Variants in RALGPS2 observed in about 807,000 individuals in gnomAD.
RALGPS2 encodes the protein ras-specific guanine nucleotide-releasing factor RalGPS2.
Under a neutral mutation model 86.8 loss-of-function variants are expected in RALGPS2, and 43 were observed. The ratio of observed to expected loss-of-function variants is 0.50; its 90% CI spans 0.39 to 0.64. The LOEUF (loss-of-function observed/expected upper bound fraction) is 0.64, where lower values mean the gene tolerates loss of function less well. Ranked by LOEUF, RALGPS2 falls within the 30% of genes least tolerant of loss-of-function variation. The probability of loss-of-function intolerance (pLI) is 0.00; values close to 1 mark genes in which losing one functional copy is unlikely to be tolerated. For synonymous variants in RALGPS2, 243 were observed against 231.3 expected (o/e 1.05, Z -0.46); for missense variants, 536 against 694.6 (o/e 0.77, Z 2.57).
At chr1:178,750,990 G>A (rs567431730) in intron 1 of RALGPS2, among the ~76,000 whole-genome samples, 12 of 152,138 alleles carry the variant, frequency 7.9e-5, no homozygotes, top group African/African-American at 2.9e-4. Flanking sequence ...ACAATGTATG[G>A]CCCTAAAGTT....
chr1:178,769,597 G>A (rs1484707638), intron 1 of RALGPS2, among the ~76,000 whole-genome samples: 1 of 151,748 alleles, frequency 6.6e-6, no homozygotes, highest in Admixed American at 6.6e-5. Context: ...CTGAGGTGGA[G>A]TGGAGAGGGC....
At position 178,885,129 on chromosome 1, in the gene RALGPS2, G is replaced by A; in HGVS notation, c.958G>A (p.Gly320Arg). The change falls in exon 12 of 20, where the codon GGA becomes AGA. Residue 320 changes from glycine to arginine, a missense_variant. By Grantham distance (125) the Gly-to-Arg change is moderately radical (BLOSUM62 -2). Coordinates refer to ENST00000367635, the MANE Select transcript of RALGPS2 (RefSeq NM_152663.5). Reference sequence around the variant, plus strand: ...TGGACGAAAAAGTGTGGCAGCTGAAGGAGCCTTGCTCCCACAGACACCGCC... The same window carrying A: ...TGGACGAAAAAGTGTGGCAGCTGAAAGAGCCTTGCTCCCACAGACACCGCC... ...QSGRKSVAAE[G>R]ALLPQTPPSP... 1 of 1,612,806 alleles carries A rather than the reference G, an allele frequency of 6.2e-7. No homozygotes were observed. Among genetic ancestry groups the A allele is most frequent in the East Asian group, 2.2e-5 (1 of 44,798 alleles).
chr1:178,787,875 CT>C (rs754249974), intron 4 of RALGPS2, among the ~76,000 whole-genome samples: 8 of 152,152 alleles, frequency 5.3e-5, no homozygotes, highest in Non-Finnish European at 1.0e-4. Flanking sequence ...CCTCTAAATG[CT>C]TTTTTACCCA....
At chr1:178,852,781 A>T (rs1657263182) in intron 8 of RALGPS2, 2 of 1,613,864 alleles carry the variant, frequency 1.2e-6, no homozygotes, top group Non-Finnish European at 1.7e-6. Context: ...TCCCAGGCGC[A>T]GTCTATAGAA....
chr1:178,906,648 G>A, intron 18 of RALGPS2, 128 bp from the exon 19 acceptor site: 1 of 651,724 alleles, frequency 1.5e-6, no homozygotes, highest in Non-Finnish European at 2.7e-6. Context: ...CAATAAAATG[G>A]AGGTGTTGAA....
chr1:178,897,613 T>G, intron 16 of RALGPS2, 51 bp from the exon 17 acceptor site: 1 of 1,447,888 alleles, frequency 6.9e-7, no homozygotes, highest in Non-Finnish European at 9.6e-7. Context: ...GTAAAGAAAC[T>G]AAGAAGCCAG....
At chr1:178,851,331 T>A (rs1572400409) in intron 8 of RALGPS2, 1 of 1,598,696 alleles carries the variant, frequency 6.3e-7, no homozygotes, top group Non-Finnish European at 8.5e-7. Flanking sequence ...GAGGAAAAAA[T>A]ACAGATATAA....
At chr1:178,822,808 T>G (rs1036846041) in intron 7 of RALGPS2, among the ~76,000 whole-genome samples, 2 of 152,108 alleles carry the variant, frequency 1.3e-5, no homozygotes, top group Non-Finnish European at 2.9e-5. Flanking sequence ...TCTTTAAAGT[T>G]TTAGGGAAAA....
chr1:178,867,821 C>T (rs1300358177), intron 8 of RALGPS2, among the ~76,000 whole-genome samples: 4 of 151,512 alleles, frequency 2.6e-5, no homozygotes, highest in South Asian at 2.1e-4. Flanking sequence ...GGACCCCTCC[C>T]GAAAACAAAG....
intron 5 of RALGPS2, among the ~76,000 whole-genome samples, chr1:178,809,034 G>A (rs1274033253): frequency 6.6e-6 from 1 of 151,932 alleles, no homozygotes; most frequent in African/African-American, 2.4e-5. Context: ...ATGTTTTGTG[G>A]AGATGAGGTC....
At chr1:178,746,754 CCTT>C (rs1322939337) in intron 1 of RALGPS2, 1 of 806,594 alleles carries the variant, frequency 1.2e-6, no homozygotes, top group Non-Finnish European at 2.2e-6. Context: ...ATCTGCTGCA[CCTT>C]CTGAGCTGTG....
intron 1 of RALGPS2, among the ~76,000 whole-genome samples, chr1:178,766,144 A>G (rs1652496358): frequency 6.6e-6 from 1 of 152,206 alleles, no homozygotes; most frequent in African/African-American, 2.4e-5. Flanking sequence ...CAGAGTTTGC[A>G]GTAAAGACAG....
chr1:178,909,643 A>ATTTTTTTTTTTTTTTTTTTTTTTTT (rs57890269), intron 19 of RALGPS2, among the ~76,000 whole-genome samples: 1 of 72,384 alleles, frequency 1.4e-5, no homozygotes, highest in African/African-American at 5.9e-5. Context: ...TTCTTTTTTA[A>ATTTTTTTTTTTTTTTTTTTTTTTTT]TTTTTTTTTT....
intron 8 of RALGPS2, among the ~76,000 whole-genome samples, chr1:178,848,874 C>T (rs1269892205): frequency 6.6e-6 from 1 of 152,174 alleles, no homozygotes; most frequent in Non-Finnish European, 1.5e-5. Flanking sequence ...AAGTGATCCA[C>T]CTGCTTCGGC....
chr1:178,875,331 C>T (rs1273932094), intron 8 of RALGPS2, among the ~76,000 whole-genome samples: 1 of 152,120 alleles, frequency 6.6e-6, no homozygotes, highest in Non-Finnish European at 1.5e-5. Flanking sequence ...AAGAAGTGTA[C>T]TATTGTATGT....
intron 18 of RALGPS2, among the ~76,000 whole-genome samples, chr1:178,905,429 A>G (rs1660352555): frequency 1.3e-5 from 2 of 152,140 alleles, no homozygotes; most frequent in South Asian, 4.1e-4. Context: ...GGCCAGCTTT[A>G]TTGTAGATAT....
chr1:178,771,236 T>C (rs77454129), intron 1 of RALGPS2, among the ~76,000 whole-genome samples: 2 of 152,208 alleles, frequency 1.3e-5, no homozygotes, highest in African/African-American at 4.8e-5. Context: ...ACCATTAATA[T>C]CTCTTAAAGC....
chr1:178,897,615 A>C, intron 16 of RALGPS2, 49 bp from the exon 17 acceptor site: 1 of 1,458,200 alleles, frequency 6.9e-7, no homozygotes, highest in Non-Finnish European at 9.6e-7. Flanking sequence ...AAAGAAACTA[A>C]GAAGCCAGGA....
At chr1:178,746,536 G>A (rs1651342313) in intron 1 of RALGPS2, 1 of 589,372 alleles carries the variant, frequency 1.7e-6, no homozygotes. Flanking sequence ...TTCCCTGGAT[G>A]TCAAGTTTAC....
Sources: gnomAD v4.1 joint callset for allele counts (sites outside exome capture counted in the v4.1 genomes callset) on GRCh38, gnomAD v4.1.1 for gene constraint, MANE v1.5 for transcripts, NCBI Gene and HGNC (gene_info 2026-07-23, HGNC 2026-07-21) for gene names.